INPP4B: variants seen among roughly 807,000 people sequenced by gnomAD.
INPP4B encodes inositol polyphosphate 4-phosphatase type II.
INPP4B carries 55 observed loss-of-function variants against 122.5 expected under a neutral mutation model. The ratio of observed to expected loss-of-function variants is 0.45; its 90% confidence interval spans 0.36 to 0.56. The LOEUF (loss-of-function observed/expected upper bound fraction) is 0.56. INPP4B is among the 20% of genes least tolerant of loss of function. The pLI, the probability that INPP4B is intolerant of heterozygous loss-of-function variation, is 0.00. For synonymous variants in INPP4B, 403 were observed against 388.7 expected, an observed-to-expected ratio of 1.04 and a Z score of -0.43; for missense variants, 1,000 against 1,097.7, an observed-to-expected ratio of 0.91 and a Z score of 1.26.
chr4:142,195,339 G>A (rs1474911740), intron 14 of INPP4B, among the ~76,000 whole-genome samples: 1 of 152,128 alleles, frequency 6.6e-6, no homozygotes. Context: ...TGCAAAATAA[G>A]TTCCAGAGAT....
chr4:142,545,811 ATACATGTGTG>A (rs1388420625), intron 2 of INPP4B, among the ~76,000 whole-genome samples: 18,523 of 80,272 alleles, frequency 0.23, 2,021 homozygotes, highest in East Asian at 0.48. Context: ...ATATACACAT[ATACATGTGTG>A]TATATATATA....
intron 9 of INPP4B, chr4:142,287,739 A>T (rs1754446238): frequency 6.6e-6 from 1 of 152,212 alleles, no homozygotes; most frequent in Non-Finnish European, 1.5e-5. Flanking sequence ...TGATTTAATA[A>T]GAATAGGGCC....
At chr4:142,450,372 G>A (rs1361927065) in intron 3 of INPP4B, among the ~76,000 whole-genome samples, 1 of 152,192 alleles carries the variant, frequency 6.6e-6, no homozygotes, top group East Asian at 1.9e-4. Flanking sequence ...AAGCAATGTG[G>A]GTTTTAGGAC....
At chr4:142,477,104 A>G (rs1819887484) in intron 2 of INPP4B, among the ~76,000 whole-genome samples, 1 of 152,312 alleles carries the variant, frequency 6.6e-6, no homozygotes, top group African/African-American at 2.4e-5. Context: ...ACACTCTTGT[A>G]CCACTGCACA....
At chr4:142,154,866 G>GT (rs1243229323) in intron 17 of INPP4B, among the ~76,000 whole-genome samples, 2 of 151,884 alleles carry the variant, frequency 1.3e-5, no homozygotes, top group Non-Finnish European at 2.9e-5. Flanking sequence ...ATGAGACATT[G>GT]TTTTTTTCCT....
chr4:142,667,813 A>G (rs147368680), intron 2 of INPP4B, among the ~76,000 whole-genome samples: 40 of 152,318 alleles, frequency 2.6e-4, no homozygotes, highest in African/African-American at 9.6e-4. Flanking sequence ...ATAGAGGTGC[A>G]AATCTGAAAC....
intron 2 of INPP4B, among the ~76,000 whole-genome samples, chr4:142,648,322 C>G (rs1752231421): frequency 6.6e-6 from 1 of 152,182 alleles, no homozygotes; most frequent in African/African-American, 2.4e-5. Context: ...ACTGGTTGGA[C>G]AGTGGGTGCA....
intron 2 of INPP4B, among the ~76,000 whole-genome samples, chr4:142,549,594 A>C (rs1196164354): frequency 6.6e-6 from 1 of 152,120 alleles, no homozygotes; most frequent in Non-Finnish European, 1.5e-5. Context: ...CTCCAGGGTG[A>C]TCATATATTG....
In INPP4B at chr4:142,124,773, G is replaced by A. The variant is rs1449323533; in HGVS notation, c.1721-13C>T. 54 of 1,515,258 alleles carry A rather than the reference G, an allele frequency of 3.6e-5. No individual in the cohort carries two copies. Among genetic ancestry groups the A allele is most frequent in the Non-Finnish European group, 4.8e-5 (54 of 1,123,658 alleles). 93.9% of individuals were successfully genotyped at this position (1,515,258 alleles called of 1,614,324 possible). Reference sequence around the variant, plus strand: ...TCATACCAGTCCTCTGGGGGAAGGGGGTGTAAGAACAGTGCAATAGATGAA... The same window carrying A: ...TCATACCAGTCCTCTGGGGGAAGGGAGTGTAAGAACAGTGCAATAGATGAA... On this transcript the variant is annotated splice_polypyrimidine_tract_variant and intron_variant, in intron 18 of 25. Coordinates refer to ENST00000262992, the MANE Select transcript of INPP4B (RefSeq NM_001101669.3).
intron 2 of INPP4B, among the ~76,000 whole-genome samples, chr4:142,537,206 T>C (rs574762311): frequency 5.5e-4 from 84 of 151,762 alleles, no homozygotes; most frequent in African/African-American, 1.9e-3. Flanking sequence ...CCAGTAAATA[T>C]AGGCTTCTAG....
chr4:142,833,894 T>C (rs1169176481), intron 1 of INPP4B, among the ~76,000 whole-genome samples: 1 of 152,186 alleles, frequency 6.6e-6, no homozygotes, highest in Non-Finnish European at 1.5e-5. Context: ...GCACCCAGAC[T>C]ATCTGGTGGG....
intron 11 of INPP4B, among the ~76,000 whole-genome samples, chr4:142,256,221 T>G (rs1579477837): frequency 6.6e-6 from 1 of 150,600 alleles, no homozygotes. Context: ...AGAGGGAAAT[T>G]TATAGCACTA....
rs199909124 is a variant in INPP4B, at chr4:142,089,484, G to C, written c.2375-3228C>G. Among the ~76,000 whole-genome samples the C allele has an allele frequency of 2.0e-3, 290 of 141,972 alleles. 1 individual carries two copies. Among genetic ancestry groups the C allele is most frequent in the East Asian group, 0.014 (66 of 4,876 alleles). 93.1% of individuals were successfully genotyped at this position (141,972 alleles called of 152,430 possible). A position where few individuals can be genotyped will look rare whatever the true frequency, so the allele number is the denominator to read the frequency against. Reference sequence around the variant, plus strand: ...ACACACACACACACACACACACAGAGAGAGAGAGAGAGAAAGTGATAAATA... The same window carrying C: ...ACACACACACACACACACACACAGACAGAGAGAGAGAGAAAGTGATAAATA... On this transcript the variant is annotated intron_variant, in intron 23 of 25. Coordinates refer to ENST00000262992, the MANE Select transcript of INPP4B (RefSeq NM_001101669.3).
At position 142,145,786 on chromosome 4, in the gene INPP4B, A is replaced by T; in HGVS notation, c.1720+54T>A. On this transcript the variant is annotated intron_variant, in intron 18 of 25. Coordinates refer to ENST00000262992, the MANE Select transcript of INPP4B (RefSeq NM_001101669.3). Reference sequence around the variant, plus strand: ...TCTTCTATATCATTTTTTTTTCACGAGTTTCTCATTTTGTTTACTCAGTAA... The same window carrying T: ...TCTTCTATATCATTTTTTTTTCACGTGTTTCTCATTTTGTTTACTCAGTAA... 7.2e-6 allele frequency: 11 copies of T among 1,533,276 alleles called. No individual in the cohort carries two copies. In the Admixed American group the frequency reaches 7.5e-5, roughly 10 times the overall value. The allele number at this position is 1,533,276 out of a possible 1,614,324, so 95.0% of individuals were successfully genotyped here.
chr4:142,032,088 A>AAGAT (rs2152277515), intron 25 of INPP4B, among the ~76,000 whole-genome samples: 1 of 152,334 alleles, frequency 6.6e-6, no homozygotes, highest in East Asian at 1.9e-4. Context: ...TCACAGATTG[A>AAGAT]AGATAGAAAG....
intron 11 of INPP4B, among the ~76,000 whole-genome samples, chr4:142,249,407 T>C (rs1482122909): frequency 6.7e-6 from 1 of 150,140 alleles, no homozygotes; most frequent in East Asian, 1.9e-4. Context: ...CACAGAATTG[T>C]CTTTAAAACT....
At chr4:142,336,808 A>G (rs1776780499) in intron 7 of INPP4B, among the ~76,000 whole-genome samples, 1 of 152,200 alleles carries the variant, frequency 6.6e-6, no homozygotes, top group South Asian at 2.1e-4. Context: ...AGCCACAGAG[A>G]TTTCTGGTTG....
At chr4:142,252,489 G>A (rs1436278572) in intron 11 of INPP4B, among the ~76,000 whole-genome samples, 1 of 151,764 alleles carries the variant, frequency 6.6e-6, no homozygotes, top group Non-Finnish European at 1.5e-5. Flanking sequence ...CGCCCGGCCA[G>A]TAGTCATTAT....
chr4:142,736,442 C>T (rs331942), intron 1 of INPP4B, among the ~76,000 whole-genome samples: 47,996 of 151,906 alleles, frequency 0.32, 7,775 homozygotes, highest in South Asian at 0.43. Context: ...TATTGAGACC[C>T]TAAAACAGAA....
Sources: gnomAD v4.1 joint callset for allele counts (sites outside exome capture counted in the v4.1 genomes callset) on GRCh38, gnomAD v4.1.1 for gene constraint, MANE v1.5 for transcripts, NCBI Gene and HGNC (gene_info 2026-07-23, HGNC 2026-07-21) for gene names.